The following PSEN1 variants were observed in gnomAD, a reference collection of about 807,000 sequenced individuals.
The protein encoded by PSEN1 is presenilin 1.
Under a neutral mutation model 53.5 loss-of-function variants are expected in PSEN1, and 15 were observed. The observed-to-expected ratio is 0.28, with a 90% CI of 0.19 to 0.43. PSEN1 has a LOEUF of 0.43. Among genes scored for constraint, PSEN1 ranks in the 20% least tolerant of loss-of-function variants. The pLI is 1.00. For synonymous variants in PSEN1, 208 were observed against 209.8 expected (o/e 0.99, Z 0.08); for missense variants, 387 against 571.2 (o/e 0.68, Z 3.29).
At chr14:73,164,503 G>A (rs116321567) in intron 3 of PSEN1, among the ~76,000 whole-genome samples, 3,465 of 152,268 alleles carry the variant, frequency 0.023, 133 homozygotes, top group African/African-American at 0.076. Flanking sequence ...CGTGAGATAC[G>A]TCTTTGAAGT....
At chr14:73,168,884 C>T (rs966707703) in intron 3 of PSEN1, 1 of 152,314 alleles carries the variant, frequency 6.6e-6, no homozygotes, top group African/African-American at 2.4e-5. Context: ...TTGGATGCTG[C>T]TGCGGGGCCG....
At chr14:73,212,927 T>C (rs1041534608) in intron 10 of PSEN1, among the ~76,000 whole-genome samples, 1 of 152,232 alleles carries the variant, frequency 6.6e-6, no homozygotes, top group African/African-American at 2.4e-5. Flanking sequence ...ATTAAGTAGT[T>C]TTAAGGAAAC....
Position 73,191,578 on chromosome 14 carries a change from T to C in PSEN1, c.549-1066T>C, listed in dbSNP as rs959376547. Among the ~76,000 whole-genome samples, 24 of 152,088 alleles carry C rather than the reference T, an allele frequency of 1.6e-4. 1 individual carries two copies. The highest frequency in any genetic ancestry group is 4.8e-5 in the African/African-American group (2 of 41,422). On this transcript the variant is annotated intron_variant, in intron 6 of 11. Transcript: ENST00000324501. ...CTTTTCTTTTTTAGTTTTAGGGTCTTGCTGTGTTGCCCAGGCTGGAGTGCA... is the reference window on the plus strand; with the variant it reads ...CTTTTCTTTTTTAGTTTTAGGGTCTCGCTGTGTTGCCCAGGCTGGAGTGCA...
chr14:73,164,140 G>A lies in PSEN1; in HGVS notation c.88-6657G>A, dbSNP rs570642073. On this transcript the variant is annotated intron_variant, in intron 3 of 11. Coordinates refer to ENST00000324501, the MANE Select transcript of PSEN1 (RefSeq NM_000021.4). Reference sequence around the variant, plus strand: ...GAATTTGCTGGCTGACTAGACAGAGGTACTAAGGAAAAGAATCAAGAATAA... The same window carrying A: ...GAATTTGCTGGCTGACTAGACAGAGATACTAAGGAAAAGAATCAAGAATAA... Among the ~76,000 whole-genome samples the A allele has an allele frequency of 6.6e-5, 10 of 152,306 alleles. No individual in the cohort carries two copies. The South Asian group carries it at 1.7e-3, about 25-fold the overall frequency.
chr14:73,173,018 GA>G (rs1364898860), intron 4 of PSEN1, among the ~76,000 whole-genome samples: 2 of 152,144 alleles, frequency 1.3e-5, no homozygotes, highest in Non-Finnish European at 2.9e-5. Flanking sequence ...AAATATAAGG[GA>G]GTCAGAAGTA....
chr14:73,192,723 A>G lies in PSEN1; in HGVS notation c.628A>G (p.Met210Val). 6.2e-7 allele frequency: 1 copy of G among 1,614,082 alleles called. No homozygotes were observed. The highest frequency in any genetic ancestry group is 8.5e-7 in the Non-Finnish European group (1 of 1,179,974). Reference protein sequence around the residue: ...LLIWNFGVVGMISIHWKGPLR... With the variant: ...LLIWNFGVVGVISIHWKGPLR... ...GATCTGGAATTTTGGTGTGGTGGGA[A>G]TGATTTCCATTCACTGGAAAGGTCC... is the stretch of plus-strand genomic sequence containing the variant. The change falls in exon 7 of 12, where the codon ATG becomes GTG. Residue 210 changes from methionine (M) to valine (V), a missense_variant. Met to Val is a conservative substitution (Grantham distance 21). Around this residue, in one of 4 missense-constraint regions of PSEN1, gnomAD observed 169 missense variants for 299.7 expected, o/e 0.56. Transcript: ENST00000324501.
At chr14:73,157,355 G>C (rs903267420) in intron 3 of PSEN1, among the ~76,000 whole-genome samples, 1 of 151,330 alleles carries the variant, frequency 6.6e-6, no homozygotes, top group African/African-American at 2.4e-5. Context: ...GCCAGGCTGG[G>C]CTCAAACTTC....
At chr14:73,204,207 A>T (rs1434702568) in intron 8 of PSEN1, among the ~76,000 whole-genome samples, 2 of 151,712 alleles carry the variant, frequency 1.3e-5, no homozygotes, top group Admixed American at 1.3e-4. Context: ...CATGTTGGTC[A>T]GGCTGGTCTT....
intron 6 of PSEN1, among the ~76,000 whole-genome samples, chr14:73,189,232 G>A (rs1456388534): frequency 1.3e-5 from 2 of 152,200 alleles, no homozygotes; most frequent in African/African-American, 2.4e-5. Flanking sequence ...TAAAATGATT[G>A]TTTACTTTGT....
chr14:73,212,879 G>A (rs564097663), intron 10 of PSEN1, among the ~76,000 whole-genome samples: 2 of 152,130 alleles, frequency 1.3e-5, no homozygotes, highest in African/African-American at 4.8e-5. Context: ...TCTTGTTTTT[G>A]CAAGAGTGAA....
chr14:73,211,906 T>C lies in PSEN1; in HGVS notation c.1093T>C (p.Ser365Pro). 6.2e-7 allele frequency: 1 copy of C among 1,613,940 alleles called. No individual in the cohort carries two copies. Among genetic ancestry groups the C allele is most frequent in the Non-Finnish European group, 8.5e-7 (1 of 1,179,984 alleles). The part of the protein sequence containing the change: ...PESRAAVQEL[S>P]SSILAGEDPE... ...GTCACGAGCTGCTGTCCAGGAACTT[T>C]CCAGCAGTATCCTCGCTGGTGAAGA... is the stretch of plus-strand genomic sequence containing the variant. The change falls in exon 10 of 12, where the codon TCC becomes CCC. Residue 365 changes from serine to proline, a missense_variant. Around this residue, in one of 4 missense-constraint regions of PSEN1, gnomAD observed 75 missense variants for 63.7 expected, o/e 1.18. Transcript: ENST00000324501.
chr14:73,176,641 T>C (rs1898055687), intron 5 of PSEN1, among the ~76,000 whole-genome samples: 1 of 152,258 alleles, frequency 6.6e-6, no homozygotes, highest in Non-Finnish European at 1.5e-5. Flanking sequence ...TTTTCTCTGC[T>C]TTTAAGCATG....
chr14:73,168,957 T>A (rs1897804722), intron 3 of PSEN1: 2 of 152,314 alleles, frequency 1.3e-5, no homozygotes, highest in Admixed American at 1.3e-4. Flanking sequence ...TTGCTCTGAT[T>A]CCCACACTCA....
At chr14:73,170,304 T>G (rs1897848153) in intron 3 of PSEN1, among the ~76,000 whole-genome samples, 2 of 152,196 alleles carry the variant, frequency 1.3e-5, no homozygotes, top group South Asian at 4.1e-4. Flanking sequence ...CTCCTGCAAA[T>G]GCAGCCCAGT....
chr14:73,218,086 CTTTTTTTTTTT>C lies in PSEN1; in HGVS notation c.1248+854_1248+864del, dbSNP rs58637970. Among the ~76,000 whole-genome samples, 5 of 97,896 alleles carry C rather than the reference CTTTTTTTTTTT, an allele frequency of 5.1e-5. No homozygotes were observed. In the East Asian group the frequency reaches 1.1e-3, roughly 21 times the overall value. 64.2% of individuals were successfully genotyped at this position (97,896 alleles called of 152,430 possible). A position where few individuals can be genotyped will look rare whatever the true frequency, so the allele number is the denominator to read the frequency against. On this transcript the variant is annotated intron_variant, in intron 11 of 11. Transcript: ENST00000324501. ...TACAGGCGTGAGCCACCGCACCTGG[CTTTTTTTTTTT>C]TTTTTTTTTTTGGAGACAGAGTCTT...
At chr14:73,142,100 A>C (rs1896947425) in intron 1 of PSEN1, among the ~76,000 whole-genome samples, 1 of 151,972 alleles carries the variant, frequency 6.6e-6, no homozygotes, top group Non-Finnish European at 1.5e-5. Context: ...CTACATCTCA[A>C]TAATAATAAT....
At chr14:73,194,671 C>G (rs912993757) in intron 7 of PSEN1, among the ~76,000 whole-genome samples, 18 of 151,310 alleles carry the variant, frequency 1.2e-4, no homozygotes, top group African/African-American at 4.1e-4. Flanking sequence ...CAGGTTCATG[C>G]CGTTCTCCTG....
At chr14:73,142,694 A>T (rs1896961419) in intron 1 of PSEN1, among the ~76,000 whole-genome samples, 1 of 152,206 alleles carries the variant, frequency 6.6e-6, no homozygotes, top group Non-Finnish European at 1.5e-5. Context: ...TGAAGTGCTG[A>T]TGAGTAGAAG....
intron 4 of PSEN1, 59 bp downstream of exon 4, chr14:73,171,106 GTCA>G: frequency 2.5e-6 from 4 of 1,600,178 alleles, no homozygotes; most frequent in Non-Finnish European, 3.4e-6. Context: ...TTTACAGCAT[GTCA>G]TCATCACCTT....
Sources: allele counts gnomAD v4.1 joint callset (sites outside exome capture counted in the v4.1 genomes callset), GRCh38; gene constraint gnomAD v4.1.1; regional missense constraint gnomAD v4.1.1; transcripts MANE v1.5; gene names NCBI Gene and HGNC (gene_info 2026-07-23, HGNC 2026-07-21).